Variants in LRBA observed in about 807,000 individuals in gnomAD.
LRBA encodes the protein lipopolysaccharide-responsive and beige-like anchor protein.
In LRBA, 176 loss-of-function variants were observed where a neutral mutation model predicts 330.0. That is an observed-to-expected ratio of 0.53 (90% CI 0.47 to 0.60). The LOEUF (loss-of-function observed/expected upper bound fraction) is 0.60, where lower values mean the gene tolerates loss of function less well. LRBA is among the 20% of genes least tolerant of loss of function. The probability of loss-of-function intolerance (pLI) is 0.00; values close to 1 mark genes in which losing one functional copy is unlikely to be tolerated. For synonymous variants in LRBA, 1,230 were observed against 1,193.0 expected (o/e 1.03, Z -0.64); for missense variants, 3,259 against 3,444.8 (o/e 0.95, Z 1.35).
In LRBA at chr4:150,390,806, A is replaced by G. The variant is rs1743803587; in HGVS notation, c.7194+24632T>C. 3.3e-5 allele frequency among the ~76,000 whole-genome samples: 5 copies of G among 152,310 alleles called. No homozygotes were observed. In the South Asian group the frequency reaches 1.0e-3, roughly 32 times the overall value. Reference sequence around the variant, plus strand: ...TGACACAGAAAATTCTGATAAAAGAAGGTGACAGCAATAAGGCTAAATAAA... The same window carrying G: ...TGACACAGAAAATTCTGATAAAAGAGGGTGACAGCAATAAGGCTAAATAAA... On this transcript the variant is annotated intron_variant, in intron 47 of 56. Transcript: ENST00000651943.
intron 46 of LRBA, among the ~76,000 whole-genome samples, chr4:150,424,710 G>A (rs1749326326): frequency 6.6e-6 from 1 of 152,212 alleles, no homozygotes; most frequent in Admixed American, 6.5e-5. Flanking sequence ...TTTGGGATGT[G>A]GGAAGAAACC....
chr4:150,641,951 G>C (rs1778719365), intron 37 of LRBA, among the ~76,000 whole-genome samples: 1 of 151,936 alleles, frequency 6.6e-6, no homozygotes, highest in Non-Finnish European at 1.5e-5. Context: ...GATGGTATTT[G>C]CTATCTAAAC....
At chr4:150,662,728 A>G (rs1159001317) in intron 37 of LRBA, among the ~76,000 whole-genome samples, 1 of 152,206 alleles carries the variant, frequency 6.6e-6, no homozygotes, top group Non-Finnish European at 1.5e-5. Context: ...AGCATTTAGG[A>G]GGCTGAGGCA....
At chr4:150,640,246 T>A (rs2126719773) in intron 37 of LRBA, among the ~76,000 whole-genome samples, 1 of 152,248 alleles carries the variant, frequency 6.6e-6, no homozygotes, top group South Asian at 2.1e-4. Context: ...CCAGTATCTA[T>A]TCACCACTTA....
At chr4:150,311,584 C>G (rs1209319396) in intron 51 of LRBA, among the ~76,000 whole-genome samples, 1 of 152,170 alleles carries the variant, frequency 6.6e-6, no homozygotes, top group Non-Finnish European at 1.5e-5. Context: ...TCATGGCACA[C>G]ACAACACGGC....
At chr4:150,402,962 G>A (rs1745701810) in intron 47 of LRBA, among the ~76,000 whole-genome samples, 1 of 151,924 alleles carries the variant, frequency 6.6e-6, no homozygotes, top group African/African-American at 2.4e-5. Flanking sequence ...ACATAATCAA[G>A]GAAATTTGCT....
At chr4:150,971,982 T>C (rs1244726910) in intron 2 of LRBA, among the ~76,000 whole-genome samples, 1 of 152,090 alleles carries the variant, frequency 6.6e-6, no homozygotes, top group Non-Finnish European at 1.5e-5. Flanking sequence ...GTACCTCCAT[T>C]CCATAACTAC....
chr4:150,277,035 C>T (rs913443735), intron 56 of LRBA, among the ~76,000 whole-genome samples: 16 of 152,130 alleles, frequency 1.1e-4, no homozygotes, highest in Non-Finnish European at 2.9e-5. Flanking sequence ...AAATGCCCAT[C>T]AATGATAGAC....
At chr4:150,293,016 T>G (rs544588625) in intron 53 of LRBA, among the ~76,000 whole-genome samples, 61 of 152,124 alleles carry the variant, frequency 4.0e-4, no homozygotes, top group Middle Eastern at 3.4e-3. Context: ...ATAATTTCAA[T>G]AGAAAACAAA....
chr4:150,967,105 A>G (rs1438704044), intron 2 of LRBA, among the ~76,000 whole-genome samples: 1 of 152,252 alleles, frequency 6.6e-6, no homozygotes, highest in Non-Finnish European at 1.5e-5. Flanking sequence ...GTAGTTAAAA[A>G]ACCATTAACA....
At chr4:150,702,462 T>C (rs1785209443) in intron 36 of LRBA, among the ~76,000 whole-genome samples, 2 of 152,204 alleles carry the variant, frequency 1.3e-5, no homozygotes, top group African/African-American at 2.4e-5. Flanking sequence ...GATAATTACA[T>C]AGGTGAGACT....
In LRBA at chr4:150,916,500, A is replaced by G; in HGVS notation, c.795T>C (p.Tyr265=). The G allele has an allele frequency of 6.2e-7, 1 of 1,613,876 alleles. No homozygotes were observed. Among genetic ancestry groups the G allele is most frequent in the Non-Finnish European group, 8.5e-7 (1 of 1,179,884 alleles). Residue 265 remains tyrosine (Y), a synonymous_variant, in exon 7 of 57, where the codon TAT becomes TAC. Coordinates refer to ENST00000651943, the MANE Select transcript of LRBA (RefSeq NM_001364905.1). ...AACAGCCTCCAACAAAATGAGCAGA[A>G]TAGCCAAGACCTTTGCTGGTTCTGA... is the stretch of plus-strand genomic sequence containing the variant. ...YCFRTSKGLG[Y]SAHFVGGCLI...
At chr4:151,009,269 C>G (rs1303942071) in intron 2 of LRBA, among the ~76,000 whole-genome samples, 1 of 151,382 alleles carries the variant, frequency 6.6e-6, no homozygotes, top group Non-Finnish European at 1.5e-5. Flanking sequence ...GGGAGAAAGC[C>G]GGGCATGGTG....
chr4:150,552,200 G>C (rs1347063739), intron 40 of LRBA, among the ~76,000 whole-genome samples: 2 of 152,140 alleles, frequency 1.3e-5, no homozygotes, highest in African/African-American at 4.8e-5. Flanking sequence ...AAACTGGGTA[G>C]GGAACCCCTG....
intron 28 of LRBA, chr4:150,840,939 G>C: frequency 8.8e-7 from 1 of 1,132,424 alleles, no homozygotes; most frequent in South Asian, 1.6e-5. Context: ...CAGAAAAATA[G>C]AAGATAGGCT....
At chr4:150,896,208 C>G (rs1224355793) in intron 16 of LRBA, among the ~76,000 whole-genome samples, 186 bp downstream of exon 16, 1 of 152,006 alleles carries the variant, frequency 6.6e-6, no homozygotes, top group South Asian at 2.1e-4. Context: ...TGATGATTCT[C>G]AAGATTCATC....
At chr4:150,801,258 T>C (rs1472723347) in intron 33 of LRBA, among the ~76,000 whole-genome samples, 1 of 152,230 alleles carries the variant, frequency 6.6e-6, no homozygotes, top group Non-Finnish European at 1.5e-5. Flanking sequence ...CATTATCTTT[T>C]AGATAAAACT....
At position 150,808,391 on chromosome 4, in the gene LRBA, T is replaced by C; in HGVS notation, c.5313A>G (p.Arg1771=). 6.3e-7 allele frequency: 1 copy of C among 1,596,424 alleles called. No individual in the cohort carries two copies. The highest frequency in any genetic ancestry group is 8.6e-7 in the Non-Finnish European group (1 of 1,165,088). ...SDMGGESPGS[R]SSNAKLPSVP... ...CTGAGGGCAATTTTGCATTAGATGATCTACTGCCTATAAAAGAAAAATAAC... is the reference window on the plus strand; with the variant it reads ...CTGAGGGCAATTTTGCATTAGATGACCTACTGCCTATAAAAGAAAAATAAC... The change falls in exon 32 of 57, where the codon AGA becomes AGG. Residue 1771 remains arginine (R), a synonymous_variant. Coordinates refer to ENST00000651943, the MANE Select transcript of LRBA (RefSeq NM_001364905.1).
intron 40 of LRBA, among the ~76,000 whole-genome samples, chr4:150,518,435 A>G (rs1762588125): frequency 6.6e-6 from 1 of 152,212 alleles, no homozygotes; most frequent in South Asian, 2.1e-4. Context: ...AAAACTATGG[A>G]AAGCAAAACC....
Sources: allele counts gnomAD v4.1 joint callset (sites outside exome capture counted in the v4.1 genomes callset), GRCh38; gene constraint gnomAD v4.1.1; transcripts MANE v1.5; gene names NCBI Gene and HGNC (gene_info 2026-07-23, HGNC 2026-07-21).